GRIP1: variants seen among roughly 807,000 people sequenced by gnomAD.
GRIP1 encodes glutamate receptor-interacting protein 1.
A neutral mutation model predicts 129.9 loss-of-function variants in GRIP1; 45 were observed. The observed-to-expected ratio is 0.35, with a 90% CI of 0.27 to 0.44. GRIP1 has a LOEUF of 0.44. Ranked by LOEUF, GRIP1 falls within the 20% of genes least tolerant of loss-of-function variation. The pLI is 1.00. For synonymous variants in GRIP1, 530 were observed against 520.8 expected (o/e 1.02, Z -0.24); for missense variants, 1,196 against 1,396.8 (o/e 0.86, Z 2.29).
Position 66,768,049 on chromosome 12 carries a change from T to C in GRIP1, c.-420+36004A>G, listed in dbSNP as rs560745228. ...CAATGAGTAATAACATCTATGTCCT[T>C]GAAGAAGCACTTTGAGAAATGCTAG... On this transcript the variant is annotated intron_variant, in intron 1 of 4. Coordinates refer to the GRIP1 transcript ENST00000538373. 5.1e-4 allele frequency among the ~76,000 whole-genome samples: 78 copies of C among 152,288 alleles called. 1 individual carries two copies. In the East Asian group the frequency reaches 0.013, roughly 25 times the overall value.
intron 14 of GRIP1, among the ~76,000 whole-genome samples, chr12:66,427,967 C>G (rs113915132): frequency 1.3e-5 from 2 of 152,330 alleles, no homozygotes; most frequent in African/African-American, 4.8e-5. Flanking sequence ...CCTATAACCT[C>G]TGCCTTCTAC....
At chr12:66,815,689 G>A (rs1450538700) in intron 1 of GRIP1, among the ~76,000 whole-genome samples, 2 of 152,040 alleles carry the variant, frequency 1.3e-5, no homozygotes, top group Non-Finnish European at 2.9e-5. Context: ...GCTTCAGCTC[G>A]GGAAGTAGAG....
At chr12:66,854,011 T>G (rs1368378298) in intron 1 of GRIP1, among the ~76,000 whole-genome samples, 2 of 152,036 alleles carry the variant, frequency 1.3e-5, no homozygotes, top group Non-Finnish European at 2.9e-5. Flanking sequence ...CTCTTTGGGT[T>G]GATGGGCATA....
At chr12:66,421,094 G>T (rs1211609494) in intron 14 of GRIP1, among the ~76,000 whole-genome samples, 1 of 152,160 alleles carries the variant, frequency 6.6e-6, no homozygotes, top group Non-Finnish European at 1.5e-5. Flanking sequence ...TGAAGGGTGG[G>T]TATCTCAGTT....
intron 1 of GRIP1, among the ~76,000 whole-genome samples, chr12:66,878,857 C>T (rs1471214993): frequency 2.0e-5 from 3 of 151,846 alleles, no homozygotes; most frequent in African/African-American, 7.3e-5. Flanking sequence ...CCAGAGAAGG[C>T]CTTACTGAGA....
rs568576319 is a variant in GRIP1, at chr12:66,693,241, C to T, written c.-419-62905G>A. 3.9e-5 allele frequency among the ~76,000 whole-genome samples: 6 copies of T among 152,232 alleles called. No individual in the cohort carries two copies. The South Asian group carries it at 6.2e-4, about 16-fold the overall frequency. ...GCCACACGTGACCTGTAAGTACGCT[C>T]GTTTTGCCTGAGCTATGTTTAGAAA... On this transcript the variant is annotated intron_variant, in intron 1 of 4. Transcript: ENST00000538373.
intron 7 of GRIP1, among the ~76,000 whole-genome samples, chr12:66,468,420 A>C (rs1377786938): frequency 6.6e-6 from 1 of 152,232 alleles, no homozygotes; most frequent in Non-Finnish European, 1.5e-5. Context: ...TGATACAATG[A>C]CTGAATTGGT....
At chr12:66,447,217 A>G (rs913774636) in intron 11 of GRIP1, among the ~76,000 whole-genome samples, 2 of 148,836 alleles carry the variant, frequency 1.3e-5, no homozygotes, top group African/African-American at 5.2e-5. Context: ...CCTGGTGAGC[A>G]TTTTAATAAT....
intron 1 of GRIP1, among the ~76,000 whole-genome samples, chr12:66,915,524 G>A (rs1198517940): frequency 1.3e-5 from 2 of 152,228 alleles, no homozygotes; most frequent in Non-Finnish European, 2.9e-5. Context: ...TGTGTTCTCA[G>A]CAGGCATCAG....
Position 66,486,665 on chromosome 12 carries a change from C to T in GRIP1, c.725-21243G>A, listed in dbSNP as rs118139066. The stretch of plus-strand genomic sequence containing the variant: ...CTTCCACCATGATTGTAAGGCTTCC[C>T]CAGCTACATGGAACTGTAAGTCCAG... On this transcript the variant is annotated intron_variant, in intron 7 of 24. Transcript: ENST00000359742. 2.7e-3 allele frequency among the ~76,000 whole-genome samples: 409 copies of T among 152,258 alleles called. 2 individuals are homozygous for T. Among genetic ancestry groups the T allele is most frequent in the Non-Finnish European group, 3.8e-3 (257 of 68,016 alleles).
chr12:66,525,969 T>G (rs2061220127), intron 5 of GRIP1, among the ~76,000 whole-genome samples: 1 of 152,062 alleles, frequency 6.6e-6, no homozygotes, highest in African/African-American at 2.4e-5. Flanking sequence ...GAATCCAACT[T>G]ACAAGGGTTG....
chr12:66,761,177 A>T (rs117649813), intron 1 of GRIP1, among the ~76,000 whole-genome samples: 3 of 151,878 alleles, frequency 2.0e-5, no homozygotes, highest in Non-Finnish European at 4.4e-5. Flanking sequence ...ATCCTTCGCT[A>T]AATCTTGCCT....
intron 15 of GRIP1, among the ~76,000 whole-genome samples, chr12:66,415,906 C>T (rs1293887674): frequency 6.6e-6 from 1 of 152,058 alleles, no homozygotes; most frequent in African/African-American, 2.4e-5. Context: ...ACAACATACA[C>T]TGGGGCCTGT....
intron 1 of GRIP1, among the ~76,000 whole-genome samples, chr12:66,844,134 A>T (rs1003348300): frequency 1.3e-5 from 2 of 152,178 alleles, no homozygotes; most frequent in African/African-American, 2.4e-5. Context: ...TAAATGGGTG[A>T]AAGACTTGAA....
rs1015214495 is a variant in GRIP1 at position 66,582,256 on chromosome 12, C to G, written c.136+14591G>C. Among the ~76,000 whole-genome samples, 11 of 145,524 alleles carry G rather than the reference C, an allele frequency of 7.6e-5. No individual in the cohort carries two copies. In the Admixed American group the frequency reaches 7.7e-4, roughly 10 times the overall value. ...AATTAGGTATTGATGGGACGTATCT[C>G]AAAATAATAAGAGCTATCTATGACA... On this transcript the variant is annotated intron_variant, in intron 2 of 24. Transcript: ENST00000359742.
chr12:66,375,145 A>C (rs1160816465), intron 22 of GRIP1, among the ~76,000 whole-genome samples: 1 of 152,170 alleles, frequency 6.6e-6, no homozygotes, highest in East Asian at 1.9e-4. Context: ...TTTTTATTGA[A>C]TACTTAAGTG....
At chr12:66,368,655 G>T (rs757628976) in intron 23 of GRIP1, among the ~76,000 whole-genome samples, 1 of 152,136 alleles carries the variant, frequency 6.6e-6, no homozygotes, top group East Asian at 1.9e-4. Context: ...TGCCACCACC[G>T]CAAAACAGTA....
intron 1 of GRIP1, among the ~76,000 whole-genome samples, chr12:66,974,089 T>G (rs1330599648): frequency 6.6e-6 from 1 of 151,932 alleles, no homozygotes; most frequent in Non-Finnish European, 1.5e-5. Context: ...CACGCCCAAC[T>G]AATTTTTGTA....
chr12:66,909,788 T>C (rs1241088971), intron 1 of GRIP1, among the ~76,000 whole-genome samples: 3 of 152,194 alleles, frequency 2.0e-5, no homozygotes, highest in South Asian at 4.1e-4. Flanking sequence ...TTACCCTAGC[T>C]ATTTCTCTTC....
Sources: allele counts gnomAD v4.1 joint callset (sites outside exome capture counted in the v4.1 genomes callset), GRCh38; gene constraint gnomAD v4.1.1; transcripts MANE v1.5; gene names NCBI Gene and HGNC (gene_info 2026-07-23, HGNC 2026-07-21).